The following ST8SIA5 variants were observed in gnomAD, a reference collection of about 807,000 sequenced individuals.
ST8SIA5 encodes alpha-2,8-sialyltransferase 8E.
A neutral mutation model predicts 40.2 loss-of-function variants in ST8SIA5; 24 were observed. The observed-to-expected ratio is 0.60, with a 90% CI of 0.43 to 0.84. The LOEUF is 0.84. Ranked by LOEUF, ST8SIA5 falls within the 40% of genes least tolerant of loss-of-function variation. The probability of loss-of-function intolerance (pLI) is 0.00; values close to 1 mark genes in which losing one functional copy is unlikely to be tolerated. For synonymous variants in ST8SIA5, 198 were observed against 201.8 expected (o/e 0.98, Z 0.16); for missense variants, 465 against 498.5 (o/e 0.93, Z 0.64).
chr18:46,719,708 C>CTTTCTTTCTTTCTTTCTTTCTTTCTT lies in ST8SIA5; in HGVS notation c.132-15045_132-15044insAAGAAAGAAAGAAAGAAAGAAAGAAA. ...TTTCTTTCTTTCTTTCTTTCTTTCT[C>CTTTCTTTCTTTCTTTCTTTCTTTCTT]TCTTTCTTTCTCTCTTTCTCTCTCT... On this transcript the variant is annotated intron_variant, in intron 1 of 6. Transcript: ENST00000315087. Among the ~76,000 whole-genome samples the CTTTCTTTCTTTCTTTCTTTCTTTCTT allele has an allele frequency of 6.5e-3, 69 of 10,620 alleles. 1 individual carries two copies. The highest frequency in any genetic ancestry group is 0.017 in the South Asian group (5 of 294). 7.0% of individuals were successfully genotyped at this position (10,620 alleles called of 152,430 possible).
In ST8SIA5 at chr18:46,704,618, A is replaced by T; in HGVS notation, c.178T>A (p.Cys60Ser). 1 of 1,613,908 alleles carries T rather than the reference A, an allele frequency of 6.2e-7. No individual in the cohort carries two copies. The highest frequency in any genetic ancestry group is 8.5e-7 in the Non-Finnish European group (1 of 1,179,988). The change falls in exon 2 of 7, where the codon TGC (cysteine) becomes AGC (serine). Residue 60 changes from cysteine (C) to serine (S), a missense_variant. Transcript: ENST00000315087. ...EGPFEYNSTR[C>S]LELRHEILEV... The stretch of plus-strand genomic sequence containing the variant: ...AATATTTCGTGCCTCAGCTCCAGGC[A>T]TCTTGTGGAGTTATATTCAAAAGGC...
At chr18:46,721,449 T>C (rs987109401) in intron 1 of ST8SIA5, 2 of 1,536,020 alleles carry the variant, frequency 1.3e-6, no homozygotes, top group African/African-American at 1.4e-5. Context: ...GTCACCACTC[T>C]GCCAACCAAA....
In ST8SIA5 at chr18:46,679,781, C is replaced by T; in HGVS notation, c.*261G>A. The T allele has an allele frequency of 1.9e-6, 1 of 515,036 alleles. No individual in the cohort carries two copies. The allele number at this position is 515,036 out of a possible 1,614,324, so 31.9% of individuals were successfully genotyped here. ...CCCCTGATCTTGGGGTGTGGCCCAG[C>T]AGCATGCTAGCCAGGGCAGGTGGAC... On this transcript the variant is annotated 3_prime_UTR_variant, in exon 7 of 7. Transcript: ENST00000315087.
chr18:46,744,180 C>A (rs139321875), intron 1 of ST8SIA5, among the ~76,000 whole-genome samples: 119 of 152,318 alleles, frequency 7.8e-4, no homozygotes, highest in Non-Finnish European at 1.2e-4. Context: ...AACCACCTAA[C>A]ATCATAATGA....
rs147455953 is a variant in ST8SIA5, at chr18:46,680,200, G to C, written c.973C>G (p.Pro325Ala). Reference protein sequence around the residue: ...EVHLFGFWAFPMNPSGLYITH... With the variant: ...EVHLFGFWAFAMNPSGLYITH... ...ATGTAGAGGCCCGAGGGGTTCATGG[G>C]GAAGGCCCAGAAGCCAAAGAGGTGC... Residue 325 changes from proline to alanine, a missense_variant, in exon 7 of 7, where the codon CCC becomes GCC. Pro to Ala is a conservative substitution (Grantham distance 27, BLOSUM62 -1). Coordinates refer to ENST00000315087, the MANE Select transcript of ST8SIA5 (RefSeq NM_013305.6). 3.1e-6 allele frequency: 5 copies of C among 1,614,124 alleles called. No individual in the cohort carries two copies. In the African/African-American group the frequency reaches 6.7e-5, roughly 22 times the overall value.
At chr18:46,704,524 C>T in intron 2 of ST8SIA5, 48 bp downstream of exon 2, 1 of 1,529,604 alleles carries the variant, frequency 6.5e-7, no homozygotes, top group Non-Finnish European at 9.0e-7. Flanking sequence ...CCAACCCCTG[C>T]CCCACCTCCA....
intron 4 of ST8SIA5, among the ~76,000 whole-genome samples, chr18:46,686,594 C>T (rs933762159): frequency 1.1e-4 from 16 of 152,122 alleles, no homozygotes; most frequent in Non-Finnish European, 2.1e-4. Context: ...CCTGGGCTTC[C>T]GGTGGGACCA....
chr18:46,718,778 A>G (rs1428461279), intron 1 of ST8SIA5, among the ~76,000 whole-genome samples: 5 of 152,202 alleles, frequency 3.3e-5, no homozygotes, highest in African/African-American at 9.6e-5. Flanking sequence ...TAGATAGCAA[A>G]ACATGGCATG....
At chr18:46,716,924 G>C (rs2039797961) in intron 1 of ST8SIA5, among the ~76,000 whole-genome samples, 1 of 152,238 alleles carries the variant, frequency 6.6e-6, no homozygotes, top group Non-Finnish European at 1.5e-5. Flanking sequence ...CCTGGATGTG[G>C]AGCCAGACCC....
chr18:46,708,334 T>C (rs2039689316), intron 1 of ST8SIA5, among the ~76,000 whole-genome samples: 1 of 152,186 alleles, frequency 6.6e-6, no homozygotes, highest in Non-Finnish European at 1.5e-5. Context: ...CCTGTCACCC[T>C]GTGGATAAAG....
chr18:46,722,255 C>T (rs778909694), intron 1 of ST8SIA5, among the ~76,000 whole-genome samples: 5 of 152,246 alleles, frequency 3.3e-5, no homozygotes, highest in East Asian at 1.9e-4. Context: ...CTCTCCCCAA[C>T]GCCCTGTGAA....
intron 1 of ST8SIA5, among the ~76,000 whole-genome samples, chr18:46,720,580 CA>C (rs2039851970): frequency 6.6e-6 from 1 of 152,144 alleles, no homozygotes; most frequent in Non-Finnish European, 1.5e-5. Flanking sequence ...TCACCAGCAA[CA>C]AAAATGCAAG....
At chr18:46,681,941 A>G (rs745892531) in intron 6 of ST8SIA5, 31 bp downstream of exon 6, 1 of 1,609,090 alleles carries the variant, frequency 6.2e-7, no homozygotes, top group African/African-American at 1.3e-5. Flanking sequence ...ACCATTTTGG[A>G]CAGTGCAGCT....
rs1210939021 is a variant in ST8SIA5, at chr18:46,726,008, TATCCTGG to T, written c.132-21351_132-21345del. 2.1e-3 allele frequency among the ~76,000 whole-genome samples: 128 copies of T among 60,298 alleles called. 2 individuals are homozygous for T. The highest frequency in any genetic ancestry group is 5.8e-3 in the East Asian group (5 of 864). The allele number at this position is 60,298 out of a possible 152,430, so 39.6% of individuals were successfully genotyped here. A position where few individuals can be genotyped will look rare whatever the true frequency, so the allele number is the denominator to read the frequency against. On this transcript the variant is annotated intron_variant, in intron 1 of 6. Transcript: ENST00000315087. ...ATATATATATATATATATATATATA[TATCCTGG>T]ATATATATATATATCCTGGATATAT...
At chr18:46,755,553 CA>C (rs1332222730) in intron 1 of ST8SIA5, among the ~76,000 whole-genome samples, 1 of 152,104 alleles carries the variant, frequency 6.6e-6, no homozygotes, top group Non-Finnish European at 1.5e-5. Context: ...TTCCTTAAGC[CA>C]GCAGAGCCGG....
chr18:46,695,159 A>G (rs1347926469), intron 2 of ST8SIA5, among the ~76,000 whole-genome samples: 1 of 101,402 alleles, frequency 9.9e-6, no homozygotes, highest in Non-Finnish European at 2.2e-5. Flanking sequence ...AATCCATCTC[A>G]AAAGAAAAAA....
chr18:46,716,876 C>T (rs1171109065), intron 1 of ST8SIA5, among the ~76,000 whole-genome samples: 2 of 152,222 alleles, frequency 1.3e-5, no homozygotes, highest in Non-Finnish European at 2.9e-5. Flanking sequence ...GCAGGGAAGG[C>T]TTCAAGGAGG....
At position 46,674,097 on chromosome 18, in the gene ST8SIA5, T is replaced by C. The variant is rs2144444653; in HGVS notation, c.*5945A>G. Reference sequence around the variant, plus strand: ...CCAGCCAAAGCATTCAGCATGTTCCTCTAGTTTTTTAAACACCATTGATAA... The same window carrying C: ...CCAGCCAAAGCATTCAGCATGTTCCCCTAGTTTTTTAAACACCATTGATAA... On this transcript the variant is annotated 3_prime_UTR_variant, in exon 7 of 7. Coordinates refer to ENST00000315087, the MANE Select transcript of ST8SIA5 (RefSeq NM_013305.6). 1.3e-5 allele frequency: 2 copies of C among 152,312 alleles called. 1 individual carries two copies. The highest frequency in any genetic ancestry group is 4.1e-4 in the South Asian group (2 of 4,822). The allele number at this position is 152,312 out of a possible 1,614,324, so 9.4% of individuals were successfully genotyped here.
In ST8SIA5 at chr18:46,671,931, T is replaced by G. The variant is rs2039311461; in HGVS notation, c.*8111A>C. On this transcript the variant is annotated 3_prime_UTR_variant, in exon 7 of 7. Transcript: ENST00000315087. ...GCCATGAGCCTCCAAGTGCAGTCCCTGGACCAGCATTGGCATCACCTGGGA... is the reference window on the plus strand; with the variant it reads ...GCCATGAGCCTCCAAGTGCAGTCCCGGGACCAGCATTGGCATCACCTGGGA... 1 of 152,238 alleles carries G rather than the reference T, an allele frequency of 6.6e-6. No homozygotes were observed. The highest frequency in any genetic ancestry group is 1.5e-5 in the Non-Finnish European group (1 of 68,086). The allele number at this position is 152,238 out of a possible 1,614,324, so 9.4% of individuals were successfully genotyped here. A position where few individuals can be genotyped will look rare whatever the true frequency, so the allele number is the denominator to read the frequency against.
Sources: gnomAD v4.1 joint callset for allele counts (sites outside exome capture counted in the v4.1 genomes callset) on GRCh38, gnomAD v4.1.1 for gene constraint, MANE v1.5 for transcripts, NCBI Gene and HGNC (gene_info 2026-07-23, HGNC 2026-07-21) for gene names.